The following SLC9A9 variants were observed in gnomAD, a reference collection of about 807,000 sequenced individuals.
The protein encoded by SLC9A9 is solute carrier family 9 member A9.
In SLC9A9, 62 loss-of-function variants were observed where a neutral mutation model predicts 77.8. That is an observed-to-expected ratio of 0.80 (90% confidence interval 0.65 to 0.98). The LOEUF is 0.98. Among genes scored for constraint, SLC9A9 ranks in the 50% least tolerant of loss-of-function variants. The pLI, the probability that SLC9A9 is intolerant of heterozygous loss-of-function variation, is 0.00. For missense variants in SLC9A9, 775 were observed against 774.9 expected (o/e 1.00, Z 0.00); for synonymous variants, 320 against 283.5 (o/e 1.13, Z -1.29).
At chr3:143,274,440 A>G (rs1407332916) in intron 14 of SLC9A9, among the ~76,000 whole-genome samples, 21 of 152,190 alleles carry the variant, frequency 1.4e-4, no homozygotes, top group Non-Finnish European at 1.5e-5. Context: ...AGATTGCTAC[A>G]TACTGTGGGG....
chr3:143,347,318 T>C (rs1283302211), intron 14 of SLC9A9, among the ~76,000 whole-genome samples: 1 of 152,158 alleles, frequency 6.6e-6, no homozygotes, highest in East Asian at 1.9e-4. Context: ...ATGGCAGTTG[T>C]GGGAAAGAAG....
chr3:143,471,163 A>ACGGCACTG (rs1385002988), intron 11 of SLC9A9, among the ~76,000 whole-genome samples: 1 of 152,214 alleles, frequency 6.6e-6, no homozygotes, highest in Non-Finnish European at 1.5e-5. Flanking sequence ...TGTGGCACGC[A>ACGGCACTG]CGGCACTGCG....
intron 14 of SLC9A9, among the ~76,000 whole-genome samples, chr3:143,279,316 A>C (rs1412043122): frequency 6.6e-6 from 1 of 152,212 alleles, no homozygotes; most frequent in African/African-American, 2.4e-5. Flanking sequence ...ATTTCAAGTG[A>C]GAACTTACAC....
intron 2 of SLC9A9, among the ~76,000 whole-genome samples, chr3:143,831,696 T>C (rs565766031): frequency 2.9e-4 from 44 of 152,364 alleles, no homozygotes; most frequent in Admixed American, 1.8e-3. Flanking sequence ...AGCACATGTG[T>C]GAAAACTTGA....
intron 14 of SLC9A9, among the ~76,000 whole-genome samples, chr3:143,322,189 T>G (rs2031444297): frequency 6.6e-6 from 1 of 152,162 alleles, no homozygotes; most frequent in South Asian, 2.1e-4. Context: ...GGTCAAATAT[T>G]TTTCCGGGCG....
intron 12 of SLC9A9, among the ~76,000 whole-genome samples, chr3:143,412,049 A>C (rs564131328): frequency 3.3e-5 from 5 of 152,272 alleles, no homozygotes; most frequent in Admixed American, 6.5e-5. Flanking sequence ...ATGACTTGGT[A>C]ACCTCATCAA....
chr3:143,397,420 C>T (rs571292110), intron 12 of SLC9A9, among the ~76,000 whole-genome samples: 6 of 152,214 alleles, frequency 3.9e-5, no homozygotes, highest in African/African-American at 1.2e-4. Flanking sequence ...CATTTTATCA[C>T]GGAATATGAA....
intron 14 of SLC9A9, among the ~76,000 whole-genome samples, chr3:143,334,728 T>G (rs1463064610): frequency 6.6e-6 from 1 of 152,180 alleles, no homozygotes; most frequent in Non-Finnish European, 1.5e-5. Flanking sequence ...AGCCAAAAAC[T>G]GCTGAGGAAA....
intron 14 of SLC9A9, among the ~76,000 whole-genome samples, chr3:143,329,221 G>A (rs1282995853): frequency 1.3e-5 from 2 of 152,176 alleles, no homozygotes; most frequent in Non-Finnish European, 1.5e-5. Context: ...CTCTAGCAAT[G>A]TTTTTTGTCC....
chr3:143,844,171 A>G (rs983241599), intron 1 of SLC9A9, among the ~76,000 whole-genome samples: 3 of 152,218 alleles, frequency 2.0e-5, no homozygotes, highest in African/African-American at 7.2e-5. Context: ...TGGTCTCTAC[A>G]AGTGTTCATA....
intron 4 of SLC9A9, among the ~76,000 whole-genome samples, chr3:143,741,064 A>G (rs926502915): frequency 1.3e-5 from 2 of 152,216 alleles, no homozygotes; most frequent in Non-Finnish European, 2.9e-5. Flanking sequence ...ATGTATATAT[A>G]TGCACATTAG....
At chr3:143,827,896 G>A (rs938062128) in intron 2 of SLC9A9, among the ~76,000 whole-genome samples, 9 of 152,158 alleles carry the variant, frequency 5.9e-5, no homozygotes, top group African/African-American at 1.4e-4. Context: ...CTGCTGAGCC[G>A]GACTTCTTCC....
chr3:143,480,559 C>A (rs141004000), intron 11 of SLC9A9, among the ~76,000 whole-genome samples: 1 of 152,274 alleles, frequency 6.6e-6, no homozygotes, highest in East Asian at 1.9e-4. Flanking sequence ...CCTGCATAAG[C>A]TGGTTAACCC....
chr3:143,494,534 G>T (rs2035801496), intron 10 of SLC9A9, among the ~76,000 whole-genome samples: 3 of 152,200 alleles, frequency 2.0e-5, no homozygotes, highest in Admixed American at 2.0e-4. Flanking sequence ...TGTTTAATTG[G>T]AACACAGTTT....
At chr3:143,582,838 G>C (rs1437442332) in intron 6 of SLC9A9, among the ~76,000 whole-genome samples, 2 of 152,128 alleles carry the variant, frequency 1.3e-5, no homozygotes, top group Non-Finnish European at 2.9e-5. Context: ...CTTCTAGTAA[G>C]AAATGAGGCA....
At chr3:143,758,083 T>C (rs981994932) in intron 4 of SLC9A9, among the ~76,000 whole-genome samples, 32 of 152,318 alleles carry the variant, frequency 2.1e-4, no homozygotes, top group African/African-American at 7.7e-4. Flanking sequence ...ACATTTTGTA[T>C]CTTTGGCCTC....
chr3:143,670,448 A>C (rs2039139425), intron 5 of SLC9A9, among the ~76,000 whole-genome samples: 1 of 152,198 alleles, frequency 6.6e-6, no homozygotes, highest in Non-Finnish European at 1.5e-5. Context: ...TCATAATTTC[A>C]AATGCATATG....
chr3:143,819,098 C>A (rs2009103250), intron 2 of SLC9A9, among the ~76,000 whole-genome samples: 3 of 152,140 alleles, frequency 2.0e-5, no homozygotes, highest in South Asian at 4.2e-4. Context: ...AAAGGAGGAT[C>A]ACTGAAATAT....
chr3:143,328,470 A>G (rs775281740), intron 14 of SLC9A9, among the ~76,000 whole-genome samples: 6 of 152,238 alleles, frequency 3.9e-5, no homozygotes, highest in Non-Finnish European at 5.9e-5. Context: ...AACTTCCACT[A>G]TCTTAATGAG....
Sources: allele counts gnomAD v4.1 joint callset (sites outside exome capture counted in the v4.1 genomes callset), GRCh38; gene constraint gnomAD v4.1.1; transcripts MANE v1.5; gene names NCBI Gene and HGNC (gene_info 2026-07-23, HGNC 2026-07-21).